TRIO: variants seen among roughly 807,000 people sequenced by gnomAD.
TRIO encodes triple functional domain protein.
TRIO carries 58 observed loss-of-function variants against 351.9 expected under a neutral mutation model. That is an observed-to-expected ratio of 0.16 (90% confidence interval 0.13 to 0.21). The LOEUF is 0.21. Ranked by LOEUF, TRIO falls within the 10% of genes least tolerant of loss-of-function variation. The pLI is 1.00. For synonymous variants in TRIO, 1,758 were observed against 1,595.7 expected, an observed-to-expected ratio of 1.10 and a Z score of -2.42; for missense variants, 3,201 against 4,027.8, an observed-to-expected ratio of 0.79 and a Z score of 5.56.
chr5:14,446,244 G>T (rs918066148), intron 34 of TRIO, among the ~76,000 whole-genome samples: 1 of 152,080 alleles, frequency 6.6e-6, no homozygotes, highest in Non-Finnish European at 1.5e-5. Context: ...GGAAGGTGCG[G>T]GACATTCTTA....
chr5:14,376,382 C>T (rs1196848426), intron 19 of TRIO, among the ~76,000 whole-genome samples: 1 of 152,146 alleles, frequency 6.6e-6, no homozygotes, highest in Non-Finnish European at 1.5e-5. Flanking sequence ...TTAGCTAATT[C>T]CTTAGCTACT....
chr5:14,252,690 A>G (rs1000495555), intron 1 of TRIO, among the ~76,000 whole-genome samples: 6 of 152,246 alleles, frequency 3.9e-5, no homozygotes, highest in African/African-American at 1.2e-4. Flanking sequence ...GGTTACTTGT[A>G]TATAAACCAG....
chr5:14,427,207 C>T (rs1229041453), intron 34 of TRIO, among the ~76,000 whole-genome samples: 2 of 152,156 alleles, frequency 1.3e-5, no homozygotes, highest in Admixed American at 1.3e-4. Flanking sequence ...CTTTCTGCAG[C>T]TCCTCATCTA....
At chr5:14,147,905 A>G (rs1029675523) in intron 1 of TRIO, among the ~76,000 whole-genome samples, 1 of 152,202 alleles carries the variant, frequency 6.6e-6, no homozygotes, top group Non-Finnish European at 1.5e-5. Context: ...AAAAATAGAA[A>G]CTGAAGGAAA....
chr5:14,254,202 G>A (rs1229819956), intron 1 of TRIO, among the ~76,000 whole-genome samples: 1 of 144,594 alleles, frequency 6.9e-6, no homozygotes, highest in African/African-American at 2.6e-5. Context: ...CCCCCCGCCT[G>A]AGACGGAGTC....
intron 9 of TRIO, among the ~76,000 whole-genome samples, chr5:14,319,170 G>C (rs1252490862): frequency 6.6e-6 from 1 of 152,176 alleles, no homozygotes; most frequent in Non-Finnish European, 1.5e-5. Flanking sequence ...ATGTCAGCAG[G>C]AGAAAGTGTT....
chr5:14,236,609 A>T (rs1456618932), intron 1 of TRIO, among the ~76,000 whole-genome samples: 1 of 152,220 alleles, frequency 6.6e-6, no homozygotes, highest in Non-Finnish European at 1.5e-5. Context: ...TTTCTCCCTC[A>T]TTCAATATAT....
chr5:14,460,913 G>A lies in TRIO; in HGVS notation c.5204-106G>A, dbSNP rs1461720279. 2.2e-6 allele frequency: 3 copies of A among 1,337,976 alleles called. No individual in the cohort carries two copies. The African/African-American group carries it at 4.5e-5, about 20-fold the overall frequency. 82.9% of individuals were successfully genotyped at this position (1,337,976 alleles called of 1,614,324 possible). A position where few individuals can be genotyped will look rare whatever the true frequency, so the allele number is the denominator to read the frequency against. ...CCCGTAGGCAAAGCCCGCTGACGAG[G>A]CATCCAGGCCCACTGGCTTCCCTGC... On this transcript the variant is annotated intron_variant, in intron 34 of 56. Transcript: ENST00000344204.
chr5:14,487,499 A>AGCGGGGGCG lies in TRIO; in HGVS notation c.6876_6884dup (p.Gly2296_Gly2298dup), dbSNP rs1554088654. On this transcript the variant is annotated inframe_insertion, in exon 48 of 57. Transcript: ENST00000344204. Reference sequence around the variant, plus strand: ...GCCAATCGAGTACCAGAGGAACCACAGCGGGGGCGGCGGCGGCGGCGGCAG... The same window carrying AGCGGGGGCG: ...GCCAATCGAGTACCAGAGGAACCACAGCGGGGGCGGCGGGGGCGGCGGCGGCGGCGGCAG... 2.8e-6 allele frequency: 3 copies of AGCGGGGGCG among 1,079,934 alleles called. No homozygotes were observed. The highest frequency in any genetic ancestry group is 3.4e-6 in the Non-Finnish European group (3 of 874,896). The allele number at this position is 1,079,934 out of a possible 1,614,324, so 66.9% of individuals were successfully genotyped here.
chr5:14,489,840 T>A (rs948555330), intron 48 of TRIO, among the ~76,000 whole-genome samples: 5 of 152,220 alleles, frequency 3.3e-5, no homozygotes, highest in Admixed American at 2.6e-4. Context: ...GCTTTTGCTT[T>A]CTCTCTTTCT....
intron 34 of TRIO, among the ~76,000 whole-genome samples, chr5:14,443,231 C>T (rs937496917): frequency 1.3e-5 from 2 of 151,924 alleles, no homozygotes; most frequent in African/African-American, 2.4e-5. Context: ...AGGAAAAATT[C>T]GTAAGAAAAA....
intron 1 of TRIO, among the ~76,000 whole-genome samples, chr5:14,197,030 A>G (rs1790817790): frequency 6.6e-6 from 1 of 152,220 alleles, no homozygotes; most frequent in Non-Finnish European, 1.5e-5. Flanking sequence ...CTGTTATTCT[A>G]TACTTGTAAA....
intron 6 of TRIO, among the ~76,000 whole-genome samples, chr5:14,296,586 A>G (rs1737381340): frequency 6.6e-6 from 1 of 152,176 alleles, no homozygotes; most frequent in African/African-American, 2.4e-5. Flanking sequence ...CCCAAAAATG[A>G]CTTGGGCATA....
chr5:14,303,607 G>C (rs981922760), intron 7 of TRIO, among the ~76,000 whole-genome samples: 5 of 145,436 alleles, frequency 3.4e-5, no homozygotes, highest in Admixed American at 3.4e-4. Context: ...GATGGCAGCT[G>C]CAGGAATTGA....
intron 1 of TRIO, among the ~76,000 whole-genome samples, chr5:14,166,620 C>T (rs1158320283): frequency 6.6e-6 from 1 of 152,096 alleles, no homozygotes; most frequent in East Asian, 1.9e-4. Flanking sequence ...AGCACATAGT[C>T]AGTGCTTAGT....
At chr5:14,177,297 A>AT (rs1220729105) in intron 1 of TRIO, among the ~76,000 whole-genome samples, 3 of 152,072 alleles carry the variant, frequency 2.0e-5, no homozygotes, top group African/African-American at 7.2e-5. Flanking sequence ...GCACTTTTAA[A>AT]TTTTTTTTGG....
chr5:14,462,992 C>T, intron 36 of TRIO, 67 bp downstream of exon 36: 1 of 1,474,040 alleles, frequency 6.8e-7, no homozygotes, highest in Non-Finnish European at 9.0e-7. Context: ...TCGGTAGCTG[C>T]TTCACACCAG....
chr5:14,292,354 T>G (rs1292596933), intron 5 of TRIO, among the ~76,000 whole-genome samples: 1 of 152,250 alleles, frequency 6.6e-6, no homozygotes, highest in East Asian at 1.9e-4. Context: ...GTTCAAGTCA[T>G]GGTAGCAATG....
intron 34 of TRIO, among the ~76,000 whole-genome samples, chr5:14,432,765 G>A (rs932819271): frequency 6.6e-6 from 1 of 152,206 alleles, no homozygotes. Flanking sequence ...GCATCCAGGA[G>A]TAAAAGATTT....
Sources: gnomAD v4.1 joint callset for allele counts (sites outside exome capture counted in the v4.1 genomes callset) on GRCh38, gnomAD v4.1.1 for gene constraint, MANE v1.5 for transcripts, NCBI Gene and HGNC (gene_info 2026-07-23, HGNC 2026-07-21) for gene names.